Variants in KCNIP4 observed in about 807,000 individuals in gnomAD.
The protein encoded by KCNIP4 is Kv channel-interacting protein 4.
In KCNIP4, 12 loss-of-function variants were observed where a neutral mutation model predicts 34.0. The ratio of observed to expected loss-of-function variants is 0.35; its 90% CI spans 0.23 to 0.57. KCNIP4 has a LOEUF of 0.57. Among genes scored for constraint, KCNIP4 ranks in the 20% least tolerant of loss-of-function variants. The pLI is 0.83. For missense variants in KCNIP4, 238 were observed against 311.7 expected (o/e 0.76, Z 1.78); for synonymous variants, 124 against 102.2 (o/e 1.21, Z -1.29).
chr4:21,662,573 T>C (rs554251611), intron 1 of KCNIP4, among the ~76,000 whole-genome samples: 19 of 152,372 alleles, frequency 1.2e-4, no homozygotes, highest in African/African-American at 4.1e-4. Flanking sequence ...TATTTCTTTC[T>C]ACTTAGGCCT....
At chr4:20,929,306 A>G (rs1431042334) in intron 1 of KCNIP4, among the ~76,000 whole-genome samples, 1 of 152,088 alleles carries the variant, frequency 6.6e-6, no homozygotes, top group Non-Finnish European at 1.5e-5. Flanking sequence ...TCAACACAGA[A>G]AAAGCATTTG....
At chr4:21,485,276 C>T (rs1297135637) in intron 1 of KCNIP4, among the ~76,000 whole-genome samples, 1 of 152,092 alleles carries the variant, frequency 6.6e-6, no homozygotes, top group Non-Finnish European at 1.5e-5. Flanking sequence ...TAAATGCTAA[C>T]ACTTCTCCAA....
chr4:21,514,134 A>G (rs1258767597), intron 1 of KCNIP4, among the ~76,000 whole-genome samples: 1 of 152,230 alleles, frequency 6.6e-6, no homozygotes, highest in Non-Finnish European at 1.5e-5. Flanking sequence ...CTAAAAAACC[A>G]GAAAAATGTT....
At chr4:21,439,837 T>TA (rs1184573738) in intron 1 of KCNIP4, among the ~76,000 whole-genome samples, 1 of 152,214 alleles carries the variant, frequency 6.6e-6, no homozygotes, top group Middle Eastern at 3.2e-3. Flanking sequence ...ATGAGGAACT[T>TA]AAGGCCTGTT....
intron 3 of KCNIP4, among the ~76,000 whole-genome samples, chr4:20,848,876 C>T (rs539117009): frequency 6.6e-6 from 1 of 152,256 alleles, no homozygotes; most frequent in African/African-American, 2.4e-5. Flanking sequence ...CACATGAACA[C>T]ATTTGAAGTT....
intron 1 of KCNIP4, among the ~76,000 whole-genome samples, chr4:21,818,371 A>G (rs181101598): frequency 8.0e-4 from 122 of 152,302 alleles, no homozygotes; most frequent in African/African-American, 2.7e-3. Context: ...GTAGAGATGC[A>G]TGTTCATGTC....
chr4:21,694,273 A>G (rs2109049801), intron 1 of KCNIP4, among the ~76,000 whole-genome samples: 1 of 152,280 alleles, frequency 6.6e-6, no homozygotes, highest in Non-Finnish European at 1.5e-5. Flanking sequence ...TATATTGGGT[A>G]GCATGAGCCC....
At chr4:21,121,773 C>A (rs1042700491) in intron 1 of KCNIP4, among the ~76,000 whole-genome samples, 16 of 152,132 alleles carry the variant, frequency 1.1e-4, no homozygotes, top group African/African-American at 3.4e-4. Flanking sequence ...AGGTAGATTC[C>A]CATGTTTCCA....
intron 3 of KCNIP4, among the ~76,000 whole-genome samples, chr4:20,801,789 A>C (rs986608311): frequency 1.3e-5 from 2 of 152,102 alleles, no homozygotes; most frequent in African/African-American, 4.8e-5. Context: ...GAGCTACAAA[A>C]CAACTGGAAA....
chr4:21,657,799 C>T (rs1748087410), intron 1 of KCNIP4, among the ~76,000 whole-genome samples: 1 of 151,954 alleles, frequency 6.6e-6, no homozygotes, highest in Non-Finnish European at 1.5e-5. Flanking sequence ...AATGAGTCTG[C>T]AGCAAAGTGT....
At chr4:21,685,082 T>C (rs904399957) in intron 1 of KCNIP4, among the ~76,000 whole-genome samples, 3 of 152,202 alleles carry the variant, frequency 2.0e-5, no homozygotes, top group African/African-American at 2.4e-5. Flanking sequence ...CCTTTAAGTA[T>C]ATTAATGTAT....
intron 1 of KCNIP4, among the ~76,000 whole-genome samples, chr4:20,949,910 A>G (rs1732597108): frequency 6.7e-6 from 1 of 150,300 alleles, no homozygotes; most frequent in South Asian, 2.1e-4. Flanking sequence ...CTAATGCTAG[A>G]TGACGAGTTA....
rs181752951 is a variant in KCNIP4, at chr4:20,734,742, A to C, written c.430-7T>G. 194 of 1,502,108 alleles carry C rather than the reference A, an allele frequency of 1.3e-4. No individual in the cohort carries two copies. The highest frequency in any genetic ancestry group is 5.1e-4 in the Admixed American group (23 of 45,502). The allele number at this position is 1,502,108 out of a possible 1,614,324, so 93.0% of individuals were successfully genotyped here. On this transcript the variant is annotated splice_polypyrimidine_tract_variant and splice_region_variant and intron_variant, in intron 5 of 8. Coordinates refer to ENST00000382152, the MANE Select transcript of KCNIP4 (RefSeq NM_025221.6). ...AAAGACCTTTGATGAAATCCTGAAAAGAAATAAAAATTCAATTTTATATGA... is the reference window on the plus strand; with the variant it reads ...AAAGACCTTTGATGAAATCCTGAAACGAAATAAAAATTCAATTTTATATGA...
At chr4:21,330,685 A>T (rs1284659762) in intron 1 of KCNIP4, among the ~76,000 whole-genome samples, 1 of 152,200 alleles carries the variant, frequency 6.6e-6, no homozygotes, top group Non-Finnish European at 1.5e-5. Flanking sequence ...TGATGTCCTT[A>T]AAGAATAAGG....
At chr4:20,753,716 C>T (rs924762613) in intron 4 of KCNIP4, among the ~76,000 whole-genome samples, 1 of 151,426 alleles carries the variant, frequency 6.6e-6, no homozygotes, top group African/African-American at 2.4e-5. Flanking sequence ...TGTCAATAAG[C>T]CCTCTGTAAA....
intron 1 of KCNIP4, chr4:21,845,087 T>C (rs1560756674): frequency 6.6e-6 from 1 of 152,064 alleles, no homozygotes. Context: ...TACTTACTTA[T>C]TTGTCACTTT....
intron 1 of KCNIP4, among the ~76,000 whole-genome samples, chr4:21,274,302 G>A (rs974656802): frequency 3.9e-5 from 6 of 152,124 alleles, no homozygotes; most frequent in African/African-American, 1.4e-4. Flanking sequence ...CCTTGAATAT[G>A]TTTTCAAGAT....
chr4:21,356,401 G>C (rs1560322456), intron 1 of KCNIP4, among the ~76,000 whole-genome samples: 1 of 152,120 alleles, frequency 6.6e-6, no homozygotes, highest in South Asian at 2.1e-4. Flanking sequence ...ATGCACGATT[G>C]CATATTTAGA....
chr4:21,483,189 C>T (rs1019363316), intron 1 of KCNIP4, among the ~76,000 whole-genome samples: 22 of 151,586 alleles, frequency 1.5e-4, no homozygotes, highest in Middle Eastern at 3.4e-3. Flanking sequence ...AACAAACCTG[C>T]ATGTTGTGCA....
Sources: gnomAD v4.1 joint callset for allele counts (sites outside exome capture counted in the v4.1 genomes callset) on GRCh38, gnomAD v4.1.1 for gene constraint, MANE v1.5 for transcripts, NCBI Gene and HGNC (gene_info 2026-07-23, HGNC 2026-07-21) for gene names.